Variants in CDH13 observed in about 807,000 individuals in gnomAD.
CDH13 encodes cadherin-13.
A neutral mutation model predicts 63.8 loss-of-function variants in CDH13; 24 were observed. The ratio of observed to expected loss-of-function variants is 0.38; its 90% confidence interval spans 0.27 to 0.53. The LOEUF (loss-of-function observed/expected upper bound fraction) is 0.53, where lower values mean the gene tolerates loss of function less well. Among genes scored for constraint, CDH13 ranks in the 20% least tolerant of loss-of-function variants. The probability of loss-of-function intolerance (pLI) is 0.85; values close to 1 mark genes in which losing one functional copy is unlikely to be tolerated. For synonymous variants in CDH13, 503 were observed against 355.3 expected (o/e 1.42, Z -4.67); for missense variants, 1,049 against 903.1 (o/e 1.16, Z -2.07).
intron 2 of CDH13, among the ~76,000 whole-genome samples, chr16:82,868,533 G>T (rs1399566888): frequency 6.6e-6 from 1 of 152,174 alleles, no homozygotes; most frequent in East Asian, 1.9e-4. Context: ...GTCCTAACTT[G>T]TTCTTTAAAG....
chr16:83,349,581 C>CATTATTATT (rs59255073), intron 6 of CDH13, among the ~76,000 whole-genome samples: 7 of 145,058 alleles, frequency 4.8e-5, no homozygotes, highest in African/African-American at 1.8e-4. Context: ...ACTTGAGGTG[C>CATTATTATT]ATTATTATTA....
chr16:83,624,081 G>T (rs1444496710), intron 8 of CDH13, among the ~76,000 whole-genome samples: 1 of 152,140 alleles, frequency 6.6e-6, no homozygotes, highest in Non-Finnish European at 1.5e-5. Flanking sequence ...AGACAATGTG[G>T]ACGGGATGCT....
intron 10 of CDH13, among the ~76,000 whole-genome samples, chr16:83,741,449 C>G (rs1383529376): frequency 6.6e-6 from 1 of 151,604 alleles, no homozygotes; most frequent in Non-Finnish European, 1.5e-5. Context: ...TTCTACGTTT[C>G]TCATAGTCTT....
intron 5 of CDH13, among the ~76,000 whole-genome samples, chr16:83,341,989 C>CCACACACA (rs756844839): frequency 0.071 from 9,803 of 137,796 alleles, 373 homozygotes; most frequent in East Asian, 0.091. Context: ...GTGTCCCCTG[C>CCACACACA]CACACACACA....
At position 83,280,619 on chromosome 16, in the gene CDH13, T is replaced by A. The variant is rs117432742; in HGVS notation, c.636+63122T>A. On this transcript the variant is annotated intron_variant, in intron 5 of 13. Transcript: ENST00000567109. The stretch of plus-strand genomic sequence containing the variant: ...ATGGCATCTAGAACAGTAAATTCTT[T>A]CCCGAAGGTTTTCAGTTTACTTTGC... Among the ~76,000 whole-genome samples the A allele has an allele frequency of 1.5e-3, 229 of 152,322 alleles. 1 individual carries two copies. Among genetic ancestry groups the A allele is most frequent in the South Asian group, 4.6e-3 (22 of 4,824 alleles).
Position 82,669,767 on chromosome 16 carries a change from A to G in CDH13, c.45+42630A>G, listed in dbSNP as rs60536331. Among the ~76,000 whole-genome samples the G allele has an allele frequency of 0.026, 4,013 of 152,298 alleles. 286 individuals carry two copies. The East Asian group carries it at 0.3, about 12-fold the overall frequency. ...GGACGGAACCATTTGCTCCCCAGTTATCACCCTCTCCAGTGAGATATACCC... is the reference window on the plus strand; with the variant it reads ...GGACGGAACCATTTGCTCCCCAGTTGTCACCCTCTCCAGTGAGATATACCC... On this transcript the variant is annotated intron_variant, in intron 1 of 13. Transcript: ENST00000567109.
chr16:83,636,047 C>G (rs1457044296), intron 8 of CDH13, among the ~76,000 whole-genome samples: 2 of 151,836 alleles, frequency 1.3e-5, no homozygotes, highest in African/African-American at 2.4e-5. Context: ...CTCCAGTAGC[C>G]TTTTAGAAAT....
chr16:83,042,889 G>C (rs1483350924), intron 3 of CDH13, among the ~76,000 whole-genome samples: 2 of 152,216 alleles, frequency 1.3e-5, no homozygotes, highest in African/African-American at 2.4e-5. Context: ...GAAATGATGA[G>C]TTAAAGATGT....
chr16:82,956,681 A>G (rs569475248), intron 2 of CDH13, among the ~76,000 whole-genome samples: 1 of 152,286 alleles, frequency 6.6e-6, no homozygotes, highest in African/African-American at 2.4e-5. Flanking sequence ...CCCTTAGCAG[A>G]TGCTTGTGTT....
chr16:82,878,010 A>T (rs928696704), intron 2 of CDH13, among the ~76,000 whole-genome samples: 8 of 151,962 alleles, frequency 5.3e-5, no homozygotes, highest in South Asian at 2.1e-4. Flanking sequence ...TCATTCTGCT[A>T]AACTAATCGA....
At chr16:82,987,110 C>T (rs1415466945) in intron 2 of CDH13, among the ~76,000 whole-genome samples, 2 of 152,134 alleles carry the variant, frequency 1.3e-5, no homozygotes, top group Non-Finnish European at 2.9e-5. Context: ...CAGTGAGGAG[C>T]GGCTGTAGCA....
At chr16:83,434,931 A>C (rs1411539762) in intron 6 of CDH13, among the ~76,000 whole-genome samples, 5 of 143,664 alleles carry the variant, frequency 3.5e-5, no homozygotes, top group African/African-American at 1.3e-4. Flanking sequence ...ATAATATATA[A>C]ATATATTTTA....
Position 83,392,808 on chromosome 16 carries a change from A to G in CDH13, c.781+47802A>G, listed in dbSNP as rs564031395. 7.9e-5 allele frequency among the ~76,000 whole-genome samples: 12 copies of G among 152,342 alleles called. No individual in the cohort carries two copies. The South Asian group carries it at 1.9e-3, about 24-fold the overall frequency. ...CGGTGCCATCTTTAAATTATGTAGG[A>G]AATAGAAAAAGGAAAATCTCGGTGG... On this transcript the variant is annotated intron_variant, in intron 6 of 13. Transcript: ENST00000567109.
Position 82,858,393 on chromosome 16 carries a change from A to G in CDH13, c.77A>G (p.Asp26Gly), listed in dbSNP as rs1192845978. The G allele has an allele frequency of 1.2e-6, 2 of 1,613,566 alleles. No homozygotes were observed. The highest frequency in any genetic ancestry group is 2.2e-5 in the East Asian group (1 of 44,878). ...CTGCTAACATCTGCAGAAGATTTGGACTGCACTCCTGGATTTCAGCAGAAA... is the reference window on the plus strand; with the variant it reads ...CTGCTAACATCTGCAGAAGATTTGGGCTGCACTCCTGGATTTCAGCAGAAA... Reference protein sequence around the residue: ...VLLLTSAEDLDCTPGFQQKVF... With the variant: ...VLLLTSAEDLGCTPGFQQKVF... Residue 26 changes from aspartate to glycine, a missense_variant, in exon 2 of 14, where the codon GAC (aspartate) becomes GGC (glycine). Coordinates refer to ENST00000567109, the MANE Select transcript of CDH13 (RefSeq NM_001257.5).
intron 3 of CDH13, among the ~76,000 whole-genome samples, chr16:83,085,525 A>G (rs1057108514): frequency 2.0e-5 from 3 of 152,226 alleles, no homozygotes; most frequent in Admixed American, 2.0e-4. Context: ...CCTCTTTGGA[A>G]TAAGAAAGTC....
rs1330721566 is a variant in CDH13, at chr16:83,750,184, T to A, written c.1681+1934T>A. 2.6e-5 allele frequency among the ~76,000 whole-genome samples: 4 copies of A among 151,906 alleles called. No individual in the cohort carries two copies. The East Asian group carries it at 7.8e-4, about 29-fold the overall frequency. On this transcript the variant is annotated intron_variant, in intron 11 of 13. Transcript: ENST00000567109. ...GGTGGCACACACATGTAGTCCCAGG[T>A]ACTCAGGAGGCTGAGGCAGGAGAAT...
intron 3 of CDH13, among the ~76,000 whole-genome samples, chr16:83,093,801 T>C (rs934397894): frequency 2.6e-5 from 4 of 152,184 alleles, no homozygotes; most frequent in South Asian, 2.1e-4. Flanking sequence ...TCGGAAAGCA[T>C]GTATAAGACA....
At chr16:83,056,028 C>A (rs1459665700) in intron 3 of CDH13, among the ~76,000 whole-genome samples, 4 of 152,048 alleles carry the variant, frequency 2.6e-5, no homozygotes, top group South Asian at 2.1e-4. Context: ...GAGAACCCAA[C>A]TAACAATGGA....
intron 8 of CDH13, among the ~76,000 whole-genome samples, chr16:83,659,114 C>G (rs1254478516): frequency 2.7e-5 from 4 of 149,358 alleles, no homozygotes; most frequent in Non-Finnish European, 4.5e-5. Context: ...GTCCCATATC[C>G]TCACCACCAG....
Sources: allele counts gnomAD v4.1 joint callset (sites outside exome capture counted in the v4.1 genomes callset), GRCh38; gene constraint gnomAD v4.1.1; transcripts MANE v1.5; gene names NCBI Gene and HGNC (gene_info 2026-07-23, HGNC 2026-07-21).